The following GLE1 variants were observed in gnomAD, a reference collection of about 807,000 sequenced individuals.
The protein encoded by GLE1 is GLE1 RNA export mediator.
A neutral mutation model predicts 97.3 loss-of-function variants in GLE1; 78 were observed. The ratio of observed to expected loss-of-function variants is 0.80; its 90% confidence interval spans 0.67 to 0.97. The LOEUF is 0.97. GLE1 is among the 50% of genes least tolerant of loss of function. The pLI is 0.00. For synonymous variants in GLE1, 302 were observed against 313.4 expected, an observed-to-expected ratio of 0.96 and a Z score of 0.39; for missense variants, 753 against 857.5, an observed-to-expected ratio of 0.88 and a Z score of 1.52.
chr9:128,532,765 C>G (rs1247423693), intron 9 of GLE1: 1 of 489,314 alleles, frequency 2.0e-6, no homozygotes, highest in Non-Finnish European at 2.7e-6. Context: ...TCTTAGTTGA[C>G]TGACTGGCTC....
chr9:128,537,247 G>A lies in GLE1; in HGVS notation c.1777-739G>A, dbSNP rs10988030. On this transcript the variant is annotated intron_variant, in intron 12 of 15. Coordinates refer to ENST00000309971, the MANE Select transcript of GLE1 (RefSeq NM_001003722.2). ...GTGGGTGGATCACCTAAGGTCAGGA[G>A]TTCAAGACCAGCCTGGCCAACATGG... Among the ~76,000 whole-genome samples the A allele has an allele frequency of 1.3e-4, 20 of 152,054 alleles. No homozygotes were observed. In the East Asian group the frequency reaches 3.7e-3, roughly 28 times the overall value.
At chr9:128,529,798 T>A (rs78926829) in intron 9 of GLE1, among the ~76,000 whole-genome samples, 1 of 151,716 alleles carries the variant, frequency 6.6e-6, no homozygotes, top group East Asian at 1.9e-4. Context: ...TTTTTTTTTT[T>A]GAGAGTCTCG....
In GLE1 at chr9:128,510,524, G is replaced by A. The variant is rs1846781128; in HGVS notation, c.321+1427G>A. Reference sequence around the variant, plus strand: ...TTACAGGTGTGAACCACCACACCCAGGCTTTTTTTTTTTTTTTTTTTTAAG... The same window carrying A: ...TTACAGGTGTGAACCACCACACCCAAGCTTTTTTTTTTTTTTTTTTTTAAG... On this transcript the variant is annotated intron_variant, in intron 2 of 15. Coordinates refer to ENST00000309971, the MANE Select transcript of GLE1 (RefSeq NM_001003722.2). 2.6e-5 allele frequency among the ~76,000 whole-genome samples: 3 copies of A among 115,808 alleles called. No homozygotes were observed. In the East Asian group the frequency reaches 6.9e-4, roughly 26 times the overall value. The allele number at this position is 115,808 out of a possible 152,430, so 76.0% of individuals were successfully genotyped here.
intron 8 of GLE1, 77 bp from the exon 9 acceptor site, chr9:128,527,379 A>G (rs751020885): frequency 5.5e-6 from 7 of 1,284,092 alleles, no homozygotes; most frequent in Non-Finnish European, 8.0e-6. Context: ...TGTAGCTGGC[A>G]TGTCACTTTA....
chr9:128,511,478 C>T (rs1456359117), intron 2 of GLE1, among the ~76,000 whole-genome samples: 8 of 151,428 alleles, frequency 5.3e-5, no homozygotes, highest in Non-Finnish European at 1.2e-4. Flanking sequence ...GAGGCCAAGG[C>T]GGGTGGATCA....
At chr9:128,525,847 C>G (rs1847286107) in intron 7 of GLE1, among the ~76,000 whole-genome samples, 1 of 151,922 alleles carries the variant, frequency 6.6e-6, no homozygotes, top group African/African-American at 2.4e-5. Flanking sequence ...AATTGCTTGA[C>G]CCAGGAGCTG....
intron 2 of GLE1, among the ~76,000 whole-genome samples, chr9:128,511,119 G>C (rs1431804236): frequency 6.6e-6 from 1 of 151,192 alleles, no homozygotes; most frequent in Non-Finnish European, 1.5e-5. Flanking sequence ...CACTAGAATT[G>C]CTTGAACCCG....
intron 3 of GLE1, among the ~76,000 whole-genome samples, chr9:128,517,354 A>G (rs1847019494): frequency 6.6e-6 from 1 of 152,228 alleles, no homozygotes; most frequent in South Asian, 2.1e-4. Context: ...CATTGAGTCA[A>G]TAAATATTTG....
rs2132466143 is a variant in GLE1 at position 128,525,437 on chromosome 9, T to C, written c.1129+14T>C. 6.9e-7 allele frequency: 1 copy of C among 1,451,060 alleles called. No individual in the cohort carries two copies. Among genetic ancestry groups the C allele is most frequent in the South Asian group, 1.2e-5 (1 of 84,574 alleles). 89.9% of individuals were successfully genotyped at this position (1,451,060 alleles called of 1,614,324 possible). On this transcript the variant is annotated intron_variant, in intron 7 of 15. Coordinates refer to ENST00000309971, the MANE Select transcript of GLE1 (RefSeq NM_001003722.2). ...AACAGAATGAAGGTGGGTTTCAGTATGGATGTGGTCCTTTAACTCGTAAGT... is the reference window on the plus strand; with the variant it reads ...AACAGAATGAAGGTGGGTTTCAGTACGGATGTGGTCCTTTAACTCGTAAGT...
chr9:128,531,046 G>A (rs1166530417), intron 9 of GLE1, among the ~76,000 whole-genome samples: 7 of 149,954 alleles, frequency 4.7e-5, no homozygotes, highest in Admixed American at 4.7e-4. Flanking sequence ...GAAACCCTGT[G>A]TCTACTAAAA....
At chr9:128,529,460 T>C (rs1231645726) in intron 9 of GLE1, among the ~76,000 whole-genome samples, 1 of 152,224 alleles carries the variant, frequency 6.6e-6, no homozygotes, top group East Asian at 1.9e-4. Flanking sequence ...TCCTGTTTTC[T>C]GTGATTACTC....
intron 1 of GLE1, among the ~76,000 whole-genome samples, chr9:128,506,146 G>C (rs535292322): frequency 6.6e-6 from 1 of 152,114 alleles, no homozygotes; most frequent in Non-Finnish European, 1.5e-5. Context: ...AAGAGTTCGC[G>C]ACCAGCCTGG....
Position 128,541,351 on chromosome 9 carries a change from C to A in GLE1, c.*181C>A, listed in dbSNP as rs10513496. On this transcript the variant is annotated 3_prime_UTR_variant, in exon 16 of 16. Coordinates refer to ENST00000309971, the MANE Select transcript of GLE1 (RefSeq NM_001003722.2). The stretch of plus-strand genomic sequence containing the variant: ...TGGGTCACAAAATTCTTGGAGGTCC[C>A]TTAGTAGATTTGGTAGTTCCTTAAG... 0.061 allele frequency: 37,560 copies of A among 614,572 alleles called. 1,460 individuals are homozygous for A. The highest frequency in any genetic ancestry group is 0.08 in the Non-Finnish European group (27,574 of 344,330). The allele number at this position is 614,572 out of a possible 1,614,324, so 38.1% of individuals were successfully genotyped here. A position where few individuals can be genotyped will look rare whatever the true frequency, so the allele number is the denominator to read the frequency against.
At chr9:128,524,540 C>CTTTTTTT (rs71381767) in intron 6 of GLE1, among the ~76,000 whole-genome samples, 8 of 39,644 alleles carry the variant, frequency 2.0e-4, no homozygotes, top group Admixed American at 4.4e-4. Flanking sequence ...CTTTGCTTTG[C>CTTTTTTT]TTTTTTTTTT....
intron 3 of GLE1, among the ~76,000 whole-genome samples, chr9:128,520,979 C>G (rs1250439454): frequency 3.9e-5 from 6 of 151,990 alleles, no homozygotes; most frequent in Non-Finnish European, 5.9e-5. Context: ...CCAGGCTGGT[C>G]TCGAACTCCT....
rs1163102706 is a variant in GLE1 at position 128,522,816 on chromosome 9, G to A, written c.581G>A (p.Ser194Asn). The change falls in exon 4 of 16, where the codon AGC becomes AAC. Residue 194 changes from serine to asparagine, a missense_variant and splice_region_variant. Coordinates refer to ENST00000309971, the MANE Select transcript of GLE1 (RefSeq NM_001003722.2). ...FQDLREVMEKSSREALGHQEK... is the reference protein window; with the variant it reads ...FQDLREVMEKNSREALGHQEK... ...GACTTGCGGGAAGTAATGGAGAAGAGGTGAGTCTCCCTGAATTATGACTGG... is the reference window on the plus strand; with the variant it reads ...GACTTGCGGGAAGTAATGGAGAAGAAGTGAGTCTCCCTGAATTATGACTGG... The A allele has an allele frequency of 6.2e-7, 1 of 1,613,710 alleles. No homozygotes were observed. The highest frequency in any genetic ancestry group is 1.7e-5 in the Admixed American group (1 of 59,996).
intron 9 of GLE1, among the ~76,000 whole-genome samples, chr9:128,532,188 A>G (rs1016359494): frequency 1.4e-5 from 2 of 147,268 alleles, no homozygotes; most frequent in Non-Finnish European, 3.0e-5. Flanking sequence ...AGGTAATGGA[A>G]AGTAATTCAG....
chr9:128,533,911 C>T lies in GLE1; in HGVS notation c.1606C>T (p.Pro536Ser), dbSNP rs1408931031. The T allele has an allele frequency of 6.2e-7, 1 of 1,613,228 alleles. No homozygotes were observed. Among genetic ancestry groups the T allele is most frequent in the African/African-American group, 1.3e-5 (1 of 75,002 alleles). Residue 536 changes from proline to serine, a missense_variant, in exon 11 of 16, where the codon CCC (proline) becomes TCC (serine). Physicochemically the swap from Pro to Ser is moderately conservative, Grantham distance 74. Transcript: ENST00000309971. ...GTGTCCTTACTCTGTTCCTTTCTAT[C>T]CCACTTTCAAGGAGGGAATGGCTTT... Reference protein sequence around the residue: ...KKCPYSVPFYPTFKEGMALED... With the variant: ...KKCPYSVPFYSTFKEGMALED...
chr9:128,504,725 C>A lies in GLE1; in HGVS notation c.-81C>A, dbSNP rs56214514. On this transcript the variant is annotated 5_prime_UTR_variant, in exon 1 of 16. The change creates a new upstream start codon in the 5' untranslated region. Coordinates refer to ENST00000309971, the MANE Select transcript of GLE1 (RefSeq NM_001003722.2). ...GCGCGCGCGTCCCGGAAGCAGAAGC[C>A]TGTGTGGCCTTCCCGGCGGCTGATT... The A allele has an allele frequency of 5.3e-6, 5 of 950,088 alleles. No homozygotes were observed. The African/African-American group carries it at 8.0e-5, about 15-fold the overall frequency. 58.9% of individuals were successfully genotyped at this position (950,088 alleles called of 1,614,324 possible).
Sources: gnomAD v4.1 joint callset for allele counts (sites outside exome capture counted in the v4.1 genomes callset) on GRCh38, gnomAD v4.1.1 for gene constraint, MANE v1.5 for transcripts, NCBI Gene and HGNC (gene_info 2026-07-23, HGNC 2026-07-21) for gene names.